The following MACROD2 variants were observed in gnomAD, a reference collection of about 807,000 sequenced individuals.
The protein encoded by MACROD2 is ADP-ribose glycohydrolase MACROD2.
MACROD2 carries 36 observed loss-of-function variants against 70.4 expected under a neutral mutation model. That is an observed-to-expected ratio of 0.51 (90% confidence interval 0.39 to 0.68). The LOEUF is 0.68. MACROD2 is among the 30% of genes least tolerant of loss of function. The pLI is 0.00. For synonymous variants in MACROD2, 172 were observed against 178.8 expected, an observed-to-expected ratio of 0.96 and a Z score of 0.30; for missense variants, 496 against 538.4, an observed-to-expected ratio of 0.92 and a Z score of 0.78.
chr20:15,795,649 A>G (rs1271533031), intron 8 of MACROD2, among the ~76,000 whole-genome samples: 1 of 152,198 alleles, frequency 6.6e-6, no homozygotes, highest in Admixed American at 6.5e-5. Flanking sequence ...GTCCCGATTT[A>G]TTAAGATATG....
At chr20:15,363,253 T>C (rs897631269) in intron 6 of MACROD2, among the ~76,000 whole-genome samples, 6 of 152,148 alleles carry the variant, frequency 3.9e-5, no homozygotes, top group Non-Finnish European at 8.8e-5. Context: ...CATGAAATCG[T>C]GTGGTGTGCA....
chr20:15,214,116 C>CT (rs2076788143), intron 5 of MACROD2, among the ~76,000 whole-genome samples: 1 of 152,088 alleles, frequency 6.6e-6, no homozygotes, highest in South Asian at 2.1e-4. Flanking sequence ...TTCTCCAGCT[C>CT]TTTTTCCTAT....
At chr20:15,147,778 T>A (rs2076241304) in intron 5 of MACROD2, among the ~76,000 whole-genome samples, 1 of 152,038 alleles carries the variant, frequency 6.6e-6, no homozygotes, top group Non-Finnish European at 1.5e-5. Context: ...GCAGGCGGGC[T>A]GAGTCTGAAA....
At chr20:15,203,157 T>C (rs2076671715) in intron 5 of MACROD2, among the ~76,000 whole-genome samples, 1 of 152,190 alleles carries the variant, frequency 6.6e-6, no homozygotes. Flanking sequence ...CCACATTGGA[T>C]AGATTTTTAT....
chr20:15,289,892 G>A lies in MACROD2; in HGVS notation c.540+59831G>A, dbSNP rs570188830. On this transcript the variant is annotated intron_variant, in intron 6 of 17. Transcript: ENST00000684519. ...AATGGAGGTAGAAAAGGAGACAAATGTGAAAGCAATTTCACAAAGAGTAAC... is the reference window on the plus strand; with the variant it reads ...AATGGAGGTAGAAAAGGAGACAAATATGAAAGCAATTTCACAAAGAGTAAC... Among the ~76,000 whole-genome samples, 18 of 152,278 alleles carry A rather than the reference G, an allele frequency of 1.2e-4. 2 individuals carry two copies. The South Asian group carries it at 3.7e-3, about 32-fold the overall frequency.
At chr20:14,190,497 C>T (rs2148737931) in intron 3 of MACROD2, among the ~76,000 whole-genome samples, 1 of 150,996 alleles carries the variant, frequency 6.6e-6, no homozygotes, top group Non-Finnish European at 1.5e-5. Context: ...AGTCTTCACT[C>T]CTCATTTTCT....
intron 8 of MACROD2, among the ~76,000 whole-genome samples, chr20:15,728,455 A>G (rs996334696): frequency 1.3e-5 from 2 of 152,048 alleles, no homozygotes; most frequent in African/African-American, 2.4e-5. Flanking sequence ...AACTTTTCGG[A>G]GTAATTTCAA....
intron 2 of MACROD2, among the ~76,000 whole-genome samples, chr20:14,057,432 A>G (rs558249532): frequency 6.6e-6 from 1 of 152,298 alleles, no homozygotes; most frequent in East Asian, 1.9e-4. Flanking sequence ...CAGACAACCC[A>G]ATAGAATAAA....
chr20:15,933,530 A>C, intron 11 of MACROD2, 192 bp downstream of exon 11: 1 of 513,704 alleles, frequency 1.9e-6, no homozygotes, highest in South Asian at 2.3e-5. Flanking sequence ...AGAGTGGCAC[A>C]TTCTCACATC....
intron 4 of MACROD2, among the ~76,000 whole-genome samples, chr20:14,671,580 G>A (rs747671868): frequency 1.5e-4 from 23 of 152,138 alleles, no homozygotes; most frequent in African/African-American, 5.3e-4. Flanking sequence ...TTGGATTTGA[G>A]ATGAAGAATG....
rs767408473 is a variant in MACROD2 at position 14,936,665 on chromosome 20, A to G, written c.418+251706A>G. 4.6e-5 allele frequency among the ~76,000 whole-genome samples: 7 copies of G among 152,070 alleles called. No individual in the cohort carries two copies. In the East Asian group the frequency reaches 9.6e-4, roughly 21 times the overall value. ...AAAAAAATGCAAATAAAATGTTGCA[A>G]TGGCCCCACTCATGCATGTGAAGGG... On this transcript the variant is annotated intron_variant, in intron 5 of 17. Transcript: ENST00000684519.
chr20:14,607,285 A>G (rs1982866287), intron 4 of MACROD2, among the ~76,000 whole-genome samples: 1 of 152,176 alleles, frequency 6.6e-6, no homozygotes, highest in African/African-American at 2.4e-5. Context: ...GAATTCACAA[A>G]TGGAAATTGA....
At chr20:14,606,897 GT>G (rs1191281876) in intron 4 of MACROD2, among the ~76,000 whole-genome samples, 1 of 152,100 alleles carries the variant, frequency 6.6e-6, no homozygotes, top group Non-Finnish European at 1.5e-5. Context: ...AACTTTTGTT[GT>G]GTAAGTAACA....
chr20:15,658,103 T>G (rs763914815), intron 8 of MACROD2, among the ~76,000 whole-genome samples: 7 of 152,168 alleles, frequency 4.6e-5, no homozygotes, highest in Non-Finnish European at 1.0e-4. Flanking sequence ...GCAGAGCTTG[T>G]TGCCTTGAGA....
chr20:15,550,352 A>T (rs2048079516), intron 8 of MACROD2, among the ~76,000 whole-genome samples: 1 of 142,082 alleles, frequency 7.0e-6, no homozygotes, highest in Non-Finnish European at 1.5e-5. Context: ...TATTATTCAG[A>T]TAAAAATGTG....
intron 5 of MACROD2, among the ~76,000 whole-genome samples, chr20:15,138,360 C>T (rs898894262): frequency 1.3e-5 from 2 of 152,132 alleles, no homozygotes; most frequent in East Asian, 3.8e-4. Context: ...TTCATAGTTA[C>T]AGTATTTATG....
intron 3 of MACROD2, among the ~76,000 whole-genome samples, chr20:14,150,323 A>C (rs1370558389): frequency 6.6e-6 from 1 of 152,182 alleles, no homozygotes; most frequent in Admixed American, 6.5e-5. Flanking sequence ...GGATATTGTC[A>C]TGTAACTTCT....
At chr20:15,323,142 G>A (rs756759420) in intron 6 of MACROD2, among the ~76,000 whole-genome samples, 1 of 152,146 alleles carries the variant, frequency 6.6e-6, no homozygotes, top group African/African-American at 2.4e-5. Context: ...TATTGAGCAC[G>A]AGGGGGCAGT....
In MACROD2 at chr20:15,862,560, G is replaced by GCA. The variant is rs112613975; in HGVS notation, c.646-168_646-167dup. Among the ~76,000 whole-genome samples the GCA allele has an allele frequency of 5.5e-3, 829 of 149,498 alleles. 20 individuals are homozygous for GCA. The South Asian group carries it at 0.08, about 14-fold the overall frequency. On this transcript the variant is annotated intron_variant, in intron 8 of 17. Coordinates refer to ENST00000684519, the MANE Select transcript of MACROD2 (RefSeq NM_001351661.2). ...TTATTTATATACAGAGTACACACAC[G>GCA]CACACACACACACACACATTCTTAC... is the stretch of plus-strand genomic sequence containing the variant.
Sources: allele counts gnomAD v4.1 joint callset (sites outside exome capture counted in the v4.1 genomes callset), GRCh38; gene constraint gnomAD v4.1.1; transcripts MANE v1.5; gene names NCBI Gene and HGNC (gene_info 2026-07-23, HGNC 2026-07-21).